MYO5A: variants seen among roughly 807,000 people sequenced by gnomAD.
MYO5A encodes the protein myosin VA.
In MYO5A, 98 loss-of-function variants were observed where a neutral mutation model predicts 249.7. The ratio of observed to expected loss-of-function variants is 0.39; its 90% CI spans 0.33 to 0.46. The LOEUF is 0.46. MYO5A is among the 20% of genes least tolerant of loss of function. MYO5A has a pLI of 0.98. For synonymous variants in MYO5A, 778 were observed against 810.6 expected, an observed-to-expected ratio of 0.96 and a Z score of 0.68; for missense variants, 1,696 against 2,308.8, an observed-to-expected ratio of 0.73 and a Z score of 5.44.
intron 40 of MYO5A, among the ~76,000 whole-genome samples, chr15:52,315,542 T>C (rs1463434040): frequency 1.3e-5 from 2 of 151,780 alleles, no homozygotes; most frequent in African/African-American, 4.8e-5. Context: ...GCCTGGCTAA[T>C]TTTTGTATTT....
At position 52,528,832 on chromosome 15, in the gene MYO5A, C is replaced by T. The variant is rs1387799900; in HGVS notation, c.-26G>A. ...GGCGGGCCCCGCGCGCCTACGCCCC[C>T]CGCCTGTGCGGAGGCCGCACCTCGC... On this transcript the variant is annotated 5_prime_UTR_variant, in exon 1 of 42. Transcript: ENST00000399233. The T allele has an allele frequency of 2.0e-5, 29 of 1,473,894 alleles. No individual in the cohort carries two copies. The East Asian group carries it at 6.7e-4, about 34-fold the overall frequency. 91.3% of individuals were successfully genotyped at this position (1,473,894 alleles called of 1,614,324 possible). A position where few individuals can be genotyped will look rare whatever the true frequency, so the allele number is the denominator to read the frequency against.
At chr15:52,458,045 CA>C (rs1389521163) in intron 1 of MYO5A, among the ~76,000 whole-genome samples, 2 of 152,030 alleles carry the variant, frequency 1.3e-5, no homozygotes, top group Admixed American at 6.6e-5. Context: ...ATGTAAGCTA[CA>C]AAAAAGTAGA....
At chr15:52,374,316 C>A (rs2041287118) in intron 20 of MYO5A, among the ~76,000 whole-genome samples, 1 of 152,194 alleles carries the variant, frequency 6.6e-6, no homozygotes, top group South Asian at 2.1e-4. Flanking sequence ...CTCCTCTTCA[C>A]CATGGTAAAT....
intron 1 of MYO5A, among the ~76,000 whole-genome samples, chr15:52,480,108 T>G (rs2141487923): frequency 6.6e-6 from 1 of 152,330 alleles, no homozygotes; most frequent in Non-Finnish European, 1.5e-5. Flanking sequence ...ATATACAATT[T>G]TTGTCAATTA....
intron 16 of MYO5A, among the ~76,000 whole-genome samples, chr15:52,380,264 C>T (rs1451865989): frequency 6.6e-6 from 1 of 152,074 alleles, no homozygotes. Context: ...GGTGAAACCC[C>T]GTCTCTACTA....
chr15:52,507,272 G>A (rs1371226053), intron 1 of MYO5A, among the ~76,000 whole-genome samples: 1 of 152,174 alleles, frequency 6.6e-6, no homozygotes, highest in African/African-American at 2.4e-5. Flanking sequence ...ACAACTGGGT[G>A]CAGTACCTTT....
chr15:52,505,289 A>C, intron 1 of MYO5A: 1 of 776,752 alleles, frequency 1.3e-6, no homozygotes, highest in Non-Finnish European at 2.4e-6. Context: ...TCACAAGCAG[A>C]TGTGGCAGTA....
At chr15:52,461,493 C>T (rs2076247292) in intron 1 of MYO5A, among the ~76,000 whole-genome samples, 1 of 152,174 alleles carries the variant, frequency 6.6e-6, no homozygotes, top group Non-Finnish European at 1.5e-5. Context: ...AACAGGCTAG[C>T]TTGCCCAAAC....
At chr15:52,355,617 T>A (rs150421860) in intron 25 of MYO5A, among the ~76,000 whole-genome samples, 5 of 152,378 alleles carry the variant, frequency 3.3e-5, no homozygotes, top group Admixed American at 3.3e-4. Context: ...ATTACAATAT[T>A]CTATATTTGT....
chr15:52,374,022 A>G (rs188528802), intron 20 of MYO5A, among the ~76,000 whole-genome samples: 14 of 152,318 alleles, frequency 9.2e-5, no homozygotes, highest in Admixed American at 9.1e-4. Flanking sequence ...GTCTGTGCTT[A>G]GAGACCCAAA....
At chr15:52,339,088 C>T (rs1369022112) in intron 32 of MYO5A, among the ~76,000 whole-genome samples, 1 of 152,102 alleles carries the variant, frequency 6.6e-6, no homozygotes, top group Non-Finnish European at 1.5e-5. Flanking sequence ...CACACACTGC[C>T]CCCACCCTCC....
At chr15:52,431,711 C>T (rs2075542942) in intron 2 of MYO5A, among the ~76,000 whole-genome samples, 1 of 149,698 alleles carries the variant, frequency 6.7e-6, no homozygotes, top group Non-Finnish European at 1.5e-5. Flanking sequence ...ATAAGCCAGG[C>T]ACAGTGGCTC....
intron 30 of MYO5A, among the ~76,000 whole-genome samples, chr15:52,344,661 T>C (rs1224785421): frequency 6.6e-6 from 1 of 152,258 alleles, no homozygotes; most frequent in Non-Finnish European, 1.5e-5. Flanking sequence ...TTCTCTAACA[T>C]AACAGCCAGG....
chr15:52,356,823 T>TTTC (rs1555432798), intron 25 of MYO5A, among the ~76,000 whole-genome samples: 5 of 127,786 alleles, frequency 3.9e-5, no homozygotes, highest in Admixed American at 7.3e-5. Flanking sequence ...TTTTTTATTT[T>TTTC]CAGGAATTGT....
At chr15:52,380,256 T>C (rs1413488094) in intron 16 of MYO5A, among the ~76,000 whole-genome samples, 1 of 152,122 alleles carries the variant, frequency 6.6e-6, no homozygotes, top group Non-Finnish European at 1.5e-5. Context: ...GCCAACATGG[T>C]GAAACCCCGT....
intron 35 of MYO5A, among the ~76,000 whole-genome samples, chr15:52,328,679 T>C (rs905926722): frequency 1.3e-5 from 2 of 152,302 alleles, no homozygotes; most frequent in South Asian, 2.1e-4. Flanking sequence ...GGTCAGATCA[T>C]GTCACTCTCG....
intron 6 of MYO5A, among the ~76,000 whole-genome samples, chr15:52,409,793 A>G (rs1458633213): frequency 6.6e-6 from 1 of 152,174 alleles, no homozygotes; most frequent in Non-Finnish European, 1.5e-5. Context: ...CTTACCAATC[A>G]AAAGGGACCA....
At chr15:52,462,974 A>G (rs532964081) in intron 1 of MYO5A, among the ~76,000 whole-genome samples, 1 of 152,374 alleles carries the variant, frequency 6.6e-6, no homozygotes, top group East Asian at 1.9e-4. Context: ...TTGAACTGAT[A>G]GAGAAAATCA....
chr15:52,434,325 T>G (rs1253711542), intron 1 of MYO5A, among the ~76,000 whole-genome samples: 3 of 152,100 alleles, frequency 2.0e-5, no homozygotes, highest in African/African-American at 2.4e-5. Context: ...TATGGTGGTT[T>G]GCATCCTGTG....
Sources: allele counts gnomAD v4.1 joint callset (sites outside exome capture counted in the v4.1 genomes callset), GRCh38; gene constraint gnomAD v4.1.1; transcripts MANE v1.5; gene names NCBI Gene and HGNC (gene_info 2026-07-23, HGNC 2026-07-21).